RUFY1: variants seen among roughly 807,000 people sequenced by gnomAD.
RUFY1 encodes the protein RUN and FYVE domain containing 1.
RUFY1 carries 54 observed loss-of-function variants against 94.6 expected under a neutral mutation model. The ratio of observed to expected loss-of-function variants is 0.57; its 90% confidence interval spans 0.46 to 0.72. The LOEUF is 0.72. Among genes scored for constraint, RUFY1 ranks in the 30% least tolerant of loss-of-function variants. RUFY1 has a pLI of 0.00. For missense variants in RUFY1, 883 were observed against 883.9 expected (o/e 1.00, Z 0.01); for synonymous variants, 396 against 347.3 (o/e 1.14, Z -1.56).
chr5:179,587,165 T>C (rs1333253746), intron 8 of RUFY1, among the ~76,000 whole-genome samples: 1 of 151,940 alleles, frequency 6.6e-6, no homozygotes, highest in Non-Finnish European at 1.5e-5. Flanking sequence ...GAGACCCTCC[T>C]GCCTCAACCT....
chr5:179,597,288 T>C (rs1171057839), intron 13 of RUFY1, among the ~76,000 whole-genome samples: 1 of 151,884 alleles, frequency 6.6e-6, no homozygotes, highest in Non-Finnish European at 1.5e-5. Flanking sequence ...CAGGCTGGAG[T>C]GCGGTGGCGC....
At chr5:179,607,977 TG>T (rs1767288149) in intron 17 of RUFY1, among the ~76,000 whole-genome samples, 2 of 152,202 alleles carry the variant, frequency 1.3e-5, no homozygotes, top group African/African-American at 2.4e-5. Flanking sequence ...GAAAATTCTC[TG>T]TATGCGGCAG....
At position 179,593,485 on chromosome 5, in the gene RUFY1, A is replaced by C; in HGVS notation, c.1253A>C (p.Glu418Ala). The C allele has an allele frequency of 6.3e-7, 1 of 1,592,614 alleles. No individual in the cohort carries two copies. Among genetic ancestry groups the C allele is most frequent in the Non-Finnish European group, 8.6e-7 (1 of 1,160,406 alleles). Residue 418 changes from glutamate (E) to alanine (A), a missense_variant, in exon 11 of 18, where the codon GAA (glutamate) becomes GCA (alanine). By Grantham distance (107) the Glu-to-Ala change is moderately radical. Coordinates refer to ENST00000319449, the MANE Select transcript of RUFY1 (RefSeq NM_025158.5). Reference protein sequence around the residue: ...KEEKKVRLELEKELELQIGMK... With the variant: ...KEEKKVRLELAKELELQIGMK... Reference sequence around the variant, plus strand: ...TGTAAATATCCTTTTAAGGAACTGGAAAAAGAACTGGAGTTACAAATTGGA... The same window carrying C: ...TGTAAATATCCTTTTAAGGAACTGGCAAAAGAACTGGAGTTACAAATTGGA...
At chr5:179,572,107 C>A (rs1473548684) in intron 5 of RUFY1, 1 of 180,292 alleles carries the variant, frequency 5.5e-6, no homozygotes. Context: ...CCTGAGTCCA[C>A]GCGTCTGGTT....
In RUFY1 at chr5:179,586,096, C is replaced by T. The variant is rs935372909; in HGVS notation, c.1026+231C>T. On this transcript the variant is annotated intron_variant, in intron 8 of 17. Transcript: ENST00000319449. ...TTCTAAGTGACTTAGATTTTATCAC[C>T]TCAAAGTCATCCCATAGAAGGAAAT... is the stretch of plus-strand genomic sequence containing the variant. 5.9e-5 allele frequency among the ~76,000 whole-genome samples: 9 copies of T among 152,308 alleles called. No homozygotes were observed. The Middle Eastern group carries it at 0.01, about 173-fold the overall frequency.
chr5:179,559,558 C>T (rs1762281826), intron 1 of RUFY1: 1 of 606,912 alleles, frequency 1.6e-6, no homozygotes, highest in Non-Finnish European at 2.1e-6. Flanking sequence ...TGCAAAATGG[C>T]GCCCACCAGC....
intron 10 of RUFY1, 109 bp from the exon 11 acceptor site, chr5:179,593,369 A>T (rs1490977823): frequency 3.0e-6 from 4 of 1,317,028 alleles, no homozygotes; most frequent in Non-Finnish European, 4.2e-6. Flanking sequence ...ATGAGCCACC[A>T]CACCCAGCCT....
chr5:179,551,951 G>A (rs1761877632), intron 1 of RUFY1, among the ~76,000 whole-genome samples: 1 of 151,084 alleles, frequency 6.6e-6, no homozygotes, highest in Non-Finnish European at 1.5e-5. Context: ...GGATCACGAG[G>A]TCAAGAGATC....
intron 14 of RUFY1, among the ~76,000 whole-genome samples, chr5:179,600,684 CTTTTTTTTTT>C (rs398000079): frequency 3.7e-5 from 2 of 54,706 alleles, no homozygotes; most frequent in East Asian, 7.1e-4. Flanking sequence ...ATGATGGTAA[CTTTTTTTTTT>C]TTTTTTTTTT....
chr5:179,602,089 C>A, intron 15 of RUFY1, 103 bp downstream of exon 15: 2 of 912,812 alleles, frequency 2.2e-6, no homozygotes, highest in Non-Finnish European at 3.5e-6. Flanking sequence ...GGAGGGTGGG[C>A]CATTTAGGAG....
chr5:179,586,004 A>G (rs1764580220), intron 8 of RUFY1, 139 bp downstream of exon 8: 3 of 683,264 alleles, frequency 4.4e-6, no homozygotes, highest in Non-Finnish European at 7.8e-6. Context: ...CACGTGGGAC[A>G]GGAGAATGTC....
chr5:179,591,830 T>G, intron 10 of RUFY1, 89 bp downstream of exon 10: 10 of 786,946 alleles, frequency 1.3e-5, no homozygotes, highest in African/African-American at 1.8e-5. Context: ...TTCACCATCC[T>G]GATGGTCATA....
intron 7 of RUFY1, among the ~76,000 whole-genome samples, chr5:179,582,499 A>G (rs1398741191): frequency 1.3e-5 from 2 of 152,202 alleles, no homozygotes; most frequent in African/African-American, 4.8e-5. Flanking sequence ...CTGCTGGGTT[A>G]TAGGCATGAG....
At chr5:179,606,747 C>T (rs767856010) in intron 16 of RUFY1, among the ~76,000 whole-genome samples, 7 of 152,182 alleles carry the variant, frequency 4.6e-5, no homozygotes, top group Non-Finnish European at 7.3e-5. Flanking sequence ...ACTCTAGAGC[C>T]GCCAGAGCTC....
At position 179,593,615 on chromosome 5, in the gene RUFY1, G is replaced by T; in HGVS notation, c.1383G>T (p.Ala461=). 1 of 1,614,100 alleles carries T rather than the reference G, an allele frequency of 6.2e-7. No individual in the cohort carries two copies. The highest frequency in any genetic ancestry group is 2.2e-5 in the East Asian group (1 of 44,884). ...GCCAGCAGCTGGAAGAAGTCAAAGC[G>T]ATTAATTTACAGATGTTTCACAAAG... is the stretch of plus-strand genomic sequence containing the variant. ...ALRQQLEEVK[A]INLQMFHKAQ... Residue 461 remains alanine, a synonymous_variant, in exon 11 of 18, where the codon GCG becomes GCT. Transcript: ENST00000319449.
At chr5:179,607,884 C>T (rs1767277048) in intron 17 of RUFY1, among the ~76,000 whole-genome samples, 1 of 152,234 alleles carries the variant, frequency 6.6e-6, no homozygotes, top group Non-Finnish European at 1.5e-5. Flanking sequence ...CCCTGGTCTC[C>T]AGCACATCCT....
intron 5 of RUFY1, among the ~76,000 whole-genome samples, chr5:179,571,173 ACCTTATTAATTTAGATTGTTT>A (rs1308105302): frequency 6.6e-6 from 1 of 152,196 alleles, no homozygotes; most frequent in Non-Finnish European, 1.5e-5. Context: ...TGTAACCAGT[ACCTTATTAATTTAGATTGTTT>A]CCATATTGTG....
intron 10 of RUFY1, among the ~76,000 whole-genome samples, chr5:179,593,009 A>G (rs1225991142): frequency 6.6e-6 from 1 of 152,128 alleles, no homozygotes; most frequent in Non-Finnish European, 1.5e-5. Flanking sequence ...GGCAAACACC[A>G]TCTACTCCTG....
At chr5:179,563,923 C>G (rs912483331) in intron 3 of RUFY1, among the ~76,000 whole-genome samples, 1 of 152,098 alleles carries the variant, frequency 6.6e-6, no homozygotes. Flanking sequence ...CCACCTGCCT[C>G]GGTCTTCCAA....
Sources: gnomAD v4.1 joint callset for allele counts (sites outside exome capture counted in the v4.1 genomes callset) on GRCh38, gnomAD v4.1.1 for gene constraint, MANE v1.5 for transcripts, NCBI Gene and HGNC (gene_info 2026-07-23, HGNC 2026-07-21) for gene names.